The following ZFP91 variants were observed in gnomAD, a reference collection of about 807,000 sequenced individuals.
ZFP91 encodes the protein E3 ubiquitin-protein ligase ZFP91.
A neutral mutation model predicts 63.5 loss-of-function variants in ZFP91; 7 were observed. The observed-to-expected ratio is 0.11, with a 90% CI of 0.06 to 0.21. ZFP91 has a LOEUF of 0.21. Among genes scored for constraint, ZFP91 ranks in the 10% least tolerant of loss-of-function variants. ZFP91 has a pLI of 1.00. For synonymous variants in ZFP91, 330 were observed against 272.1 expected (o/e 1.21, Z -2.10); for missense variants, 628 against 736.6 (o/e 0.85, Z 1.71).
chr11:58,610,414 C>T, intron 4 of ZFP91, 80 bp downstream of exon 4: 2 of 1,338,854 alleles, frequency 1.5e-6, no homozygotes, highest in Middle Eastern at 4.3e-4. Flanking sequence ...AAGTTGCTTC[C>T]ATTTGAAATT....
At chr11:58,580,045 C>G (rs554987143) in intron 1 of ZFP91, among the ~76,000 whole-genome samples, 1 of 152,104 alleles carries the variant, frequency 6.6e-6, no homozygotes, top group African/African-American at 2.4e-5. Flanking sequence ...GATTCCCCCC[C>G]GCCTTCGCGT....
At position 58,619,324 on chromosome 11, in the gene ZFP91, G is replaced by A. The variant is rs34193069; in HGVS notation, c.*1618G>A. 0.048 allele frequency: 7,339 copies of A among 152,218 alleles called. 265 individuals are homozygous for A. Among genetic ancestry groups the A allele is most frequent in the Non-Finnish European group, 0.072 (4,880 of 68,054 alleles). The allele number at this position is 152,218 out of a possible 1,614,324, so 9.4% of individuals were successfully genotyped here. ...AGAAAAGGTAGTGTTTTTGTACAAG[G>A]TCATACCGCCAGAAGCCCCAAATCC... is the stretch of plus-strand genomic sequence containing the variant. On this transcript the variant is annotated 3_prime_UTR_variant, in exon 11 of 11. Coordinates refer to ENST00000316059, the MANE Select transcript of ZFP91 (RefSeq NM_053023.5).
intron 10 of ZFP91, 134 bp downstream of exon 10, chr11:58,616,949 G>T (rs936533911): frequency 3.3e-6 from 3 of 907,696 alleles, no homozygotes; most frequent in Non-Finnish European, 3.3e-6. Context: ...TTGATTGGGG[G>T]CATTAGTTAG....
chr11:58,607,818 C>T (rs1303088937), intron 2 of ZFP91, among the ~76,000 whole-genome samples: 2 of 152,068 alleles, frequency 1.3e-5, no homozygotes, highest in Non-Finnish European at 2.9e-5. Context: ...AAACCTACCT[C>T]TATATAGTAT....
rs1222379281 is a variant in ZFP91, at chr11:58,612,887, C to T, written c.987+47C>T. ...GAGCCTTTCAGGTTGTGTTCCATTA[C>T]TTGTTCTTGCACCACGAGACTTTAA... On this transcript the variant is annotated intron_variant, in intron 8 of 10. Coordinates refer to ENST00000316059, the MANE Select transcript of ZFP91 (RefSeq NM_053023.5). 2.0e-6 allele frequency: 3 copies of T among 1,513,382 alleles called. No homozygotes were observed. In the East Asian group the frequency reaches 6.8e-5, roughly 34 times the overall value. 93.7% of individuals were successfully genotyped at this position (1,513,382 alleles called of 1,614,324 possible). A position where few individuals can be genotyped will look rare whatever the true frequency, so the allele number is the denominator to read the frequency against.
rs1242282612 is a variant in ZFP91 at position 58,610,892 on chromosome 11, TCCCCTCAGA to T, written c.618-56_618-48del. 1.1e-5 allele frequency: 17 copies of T among 1,493,646 alleles called. No individual in the cohort carries two copies. In the South Asian group the frequency reaches 1.7e-4, roughly 15 times the overall value. 92.5% of individuals were successfully genotyped at this position (1,493,646 alleles called of 1,614,324 possible). On this transcript the variant is annotated intron_variant, in intron 4 of 10. Transcript: ENST00000316059. ...CCTCTTAAAAAATTACCAAATAAAATCCCCTCAGACATGTTCGCTACAACCAGAATGTCT... is the reference window on the plus strand; with the variant it reads ...CCTCTTAAAAAATTACCAAATAAAATCATGTTCGCTACAACCAGAATGTCT...
At chr11:58,581,395 T>C (rs1276446080) in intron 1 of ZFP91, among the ~76,000 whole-genome samples, 1 of 152,256 alleles carries the variant, frequency 6.6e-6, no homozygotes, top group African/African-American at 2.4e-5. Flanking sequence ...GTTTTTGCTC[T>C]GTTGCCCAGG....
At chr11:58,581,046 A>T (rs988658632) in intron 1 of ZFP91, among the ~76,000 whole-genome samples, 1 of 152,172 alleles carries the variant, frequency 6.6e-6, no homozygotes, top group Non-Finnish European at 1.5e-5. Context: ...CCTATAGAGG[A>T]TAATCTCTGC....
intron 1 of ZFP91, among the ~76,000 whole-genome samples, chr11:58,580,266 TTTTATC>T (rs1378318032): frequency 1.3e-5 from 2 of 152,204 alleles, no homozygotes; most frequent in African/African-American, 4.8e-5. Context: ...GTAGCATATG[TTTTATC>T]TTTGTGTTTC....
intron 2 of ZFP91, among the ~76,000 whole-genome samples, chr11:58,592,231 G>A (rs1015548188): frequency 6.6e-6 from 1 of 151,560 alleles, no homozygotes; most frequent in African/African-American, 2.4e-5. Flanking sequence ...TAGAGGTGGT[G>A]TACCACCACA....
At chr11:58,607,028 A>G (rs7112516) in intron 2 of ZFP91, among the ~76,000 whole-genome samples, 1 of 151,988 alleles carries the variant, frequency 6.6e-6, no homozygotes, top group Non-Finnish European at 1.5e-5. Flanking sequence ...ATGGTAAACT[A>G]TTGTTATCAA....
chr11:58,602,954 G>A (rs536752919), intron 2 of ZFP91, among the ~76,000 whole-genome samples: 20 of 152,130 alleles, frequency 1.3e-4, no homozygotes, highest in African/African-American at 4.6e-4. Context: ...ACTCCAGCCT[G>A]GGCAACAAGA....
chr11:58,615,437 A>C (rs1304931397), intron 9 of ZFP91, among the ~76,000 whole-genome samples: 1 of 152,182 alleles, frequency 6.6e-6, no homozygotes, highest in Non-Finnish European at 1.5e-5. Context: ...CGTATGAAAA[A>C]CTTTTATAAA....
rs543094861 is a variant in ZFP91, at chr11:58,615,279, G to A, written c.1102+936G>A. Among the ~76,000 whole-genome samples the A allele has an allele frequency of 2.6e-5, 4 of 152,260 alleles. No individual in the cohort carries two copies. In the South Asian group the frequency reaches 6.2e-4, roughly 24 times the overall value. On this transcript the variant is annotated intron_variant, in intron 9 of 10. Coordinates refer to ENST00000316059, the MANE Select transcript of ZFP91 (RefSeq NM_053023.5). The stretch of plus-strand genomic sequence containing the variant: ...AGTTTTCTTATACCATGTTTCTTCA[G>A]AGTTATTTCCACAAGTAACAGTTAT...
intron 10 of ZFP91, 128 bp downstream of exon 10, chr11:58,616,943 T>C (rs1212352007): frequency 6.3e-6 from 6 of 944,970 alleles, no homozygotes; most frequent in Non-Finnish European, 9.6e-6. Flanking sequence ...TGGATATTGA[T>C]TGGGGGCATT....
At chr11:58,591,740 G>T (rs931083183) in intron 2 of ZFP91, among the ~76,000 whole-genome samples, 2 of 152,132 alleles carry the variant, frequency 1.3e-5, no homozygotes, top group Non-Finnish European at 2.9e-5. Context: ...TATGTAGGAA[G>T]CATTATGCAG....
intron 2 of ZFP91, among the ~76,000 whole-genome samples, chr11:58,586,003 T>A (rs1029317071): frequency 2.6e-5 from 4 of 152,142 alleles, no homozygotes; most frequent in African/African-American, 4.8e-5. Flanking sequence ...ATTTTTTTTT[T>A]TTTATTTAGA....
intron 9 of ZFP91, among the ~76,000 whole-genome samples, chr11:58,615,961 G>A (rs937768129): frequency 1.3e-5 from 2 of 152,156 alleles, no homozygotes; most frequent in African/African-American, 2.4e-5. Context: ...TTGTGCACGG[G>A]CTTCCCAAAC....
At chr11:58,581,561 A>T (rs1028411219) in intron 1 of ZFP91, among the ~76,000 whole-genome samples, 1 of 152,210 alleles carries the variant, frequency 6.6e-6, no homozygotes, top group Non-Finnish European at 1.5e-5. Context: ...AGGTTTCACC[A>T]TATTGGCCGG....
Sources: gnomAD v4.1 joint callset for allele counts (sites outside exome capture counted in the v4.1 genomes callset) on GRCh38, gnomAD v4.1.1 for gene constraint, MANE v1.5 for transcripts, NCBI Gene and HGNC (gene_info 2026-07-23, HGNC 2026-07-21) for gene names.